Variants in NCAM1 observed in about 807,000 individuals in gnomAD.
NCAM1 encodes antigen recognized by monoclonal antibody 5.1H11.
NCAM1 carries 14 observed loss-of-function variants against 109.8 expected under a neutral mutation model. The observed-to-expected ratio is 0.13, with a 90% CI of 0.08 to 0.20. The LOEUF is 0.20. NCAM1 is among the 10% of genes least tolerant of loss of function. NCAM1 has a pLI of 1.00. For missense variants in NCAM1, 774 were observed against 1,109.9 expected (o/e 0.70, Z 4.30); for synonymous variants, 418 against 442.9 (o/e 0.94, Z 0.70).
chr11:113,022,340 A>G (rs1293031712), intron 1 of NCAM1, among the ~76,000 whole-genome samples: 2 of 152,210 alleles, frequency 1.3e-5, no homozygotes, highest in African/African-American at 2.4e-5. Context: ...AGAGCTGATG[A>G]AGTCTCTACA....
chr11:112,996,621 C>T (rs1565371721), intron 1 of NCAM1, among the ~76,000 whole-genome samples: 1 of 152,140 alleles, frequency 6.6e-6, no homozygotes, highest in Non-Finnish European at 1.5e-5. Flanking sequence ...TTGCATACCT[C>T]TTGTTTATGC....
intron 1 of NCAM1, among the ~76,000 whole-genome samples, chr11:113,115,470 A>G (rs1369818): frequency 0.56 from 85,480 of 151,548 alleles, 24,449 homozygotes; most frequent in African/African-American, 0.61. Flanking sequence ...GAGCATCCAC[A>G]TGAAATAGCA....
chr11:113,002,490 T>C (rs1951781390), intron 1 of NCAM1, among the ~76,000 whole-genome samples: 1 of 152,138 alleles, frequency 6.6e-6, no homozygotes, highest in Non-Finnish European at 1.5e-5. Flanking sequence ...TTTTACAAAA[T>C]GAATGTGGGA....
intron 1 of NCAM1, among the ~76,000 whole-genome samples, chr11:113,201,713 C>T (rs530364146): frequency 4.4e-4 from 67 of 152,260 alleles, no homozygotes; most frequent in African/African-American, 1.5e-3. Flanking sequence ...CCACAGGGCA[C>T]GGGCTACAGA....
At chr11:112,991,870 A>G (rs1462131455) in intron 1 of NCAM1, among the ~76,000 whole-genome samples, 2 of 152,222 alleles carry the variant, frequency 1.3e-5, no homozygotes, top group Non-Finnish European at 2.9e-5. Context: ...AATGATGGGT[A>G]ATGTAACAGT....
At chr11:112,986,207 T>C (rs1555069645) in intron 1 of NCAM1, among the ~76,000 whole-genome samples, 2 of 152,108 alleles carry the variant, frequency 1.3e-5, no homozygotes, top group African/African-American at 4.8e-5. Flanking sequence ...ATATAGTATA[T>C]CACATTTATT....
At chr11:113,014,494 TC>T (rs1952158135) in intron 1 of NCAM1, among the ~76,000 whole-genome samples, 1 of 152,188 alleles carries the variant, frequency 6.6e-6, no homozygotes, top group Admixed American at 6.5e-5. Context: ...GCCACGGGCC[TC>T]CTTCATTTCT....
chr11:113,125,773 A>T (rs1367520415), intron 1 of NCAM1, among the ~76,000 whole-genome samples: 1 of 152,196 alleles, frequency 6.6e-6, no homozygotes, highest in Non-Finnish European at 1.5e-5. Context: ...GAATCTGTGC[A>T]GCTGGCTTTT....
chr11:113,078,018 G>A (rs146551932), intron 1 of NCAM1, among the ~76,000 whole-genome samples: 145 of 152,224 alleles, frequency 9.5e-4, no homozygotes, highest in Non-Finnish European at 1.9e-3. Flanking sequence ...TTATTTCAGA[G>A]TCTACATTTG....
intron 1 of NCAM1, among the ~76,000 whole-genome samples, chr11:113,082,820 G>A (rs1263955238): frequency 6.6e-6 from 1 of 152,128 alleles, no homozygotes; most frequent in Non-Finnish European, 1.5e-5. Flanking sequence ...TAACAACTCT[G>A]TCAAAAGCAA....
intron 1 of NCAM1, among the ~76,000 whole-genome samples, chr11:113,028,052 G>A (rs1297541144): frequency 3.9e-5 from 6 of 152,162 alleles, no homozygotes; most frequent in African/African-American, 1.2e-4. Context: ...GAGGGGAAAG[G>A]GGTGGGCAAG....
intron 1 of NCAM1, among the ~76,000 whole-genome samples, chr11:113,059,394 A>G (rs1953837916): frequency 6.6e-6 from 1 of 152,150 alleles, no homozygotes; most frequent in Non-Finnish European, 1.5e-5. Flanking sequence ...GAGTTCAGGA[A>G]GGATTTAATT....
In NCAM1 at chr11:113,237,873, GAT is replaced by G. The variant is rs1419157154; in HGVS notation, c.1825+2717_1825+2718del. 3.6e-3 allele frequency among the ~76,000 whole-genome samples: 210 copies of G among 57,658 alleles called. 4 individuals are homozygous for G. The highest frequency in any genetic ancestry group is 0.015 in the East Asian group (21 of 1,434). The allele number at this position is 57,658 out of a possible 152,430, so 37.8% of individuals were successfully genotyped here. On this transcript the variant is annotated intron_variant, in intron 14 of 19. Transcript: ENST00000316851. The stretch of plus-strand genomic sequence containing the variant: ...GTGAGACCATATATATAGATATATA[GAT>G]ATATATAGATATATAGATATAGATA...
intron 1 of NCAM1, among the ~76,000 whole-genome samples, chr11:113,166,589 A>C (rs1327876670): frequency 7.2e-5 from 11 of 152,244 alleles, no homozygotes; most frequent in Non-Finnish European, 1.6e-4. Flanking sequence ...ACAAGGAATA[A>C]TAAAATATTG....
intron 1 of NCAM1, among the ~76,000 whole-genome samples, chr11:113,026,065 A>C (rs782649091): frequency 6.6e-6 from 1 of 152,214 alleles, no homozygotes; most frequent in South Asian, 2.1e-4. Context: ...AGAGCCCTGA[A>C]TTATGAGTTA....
chr11:113,136,097 C>T (rs1165827556), intron 1 of NCAM1, among the ~76,000 whole-genome samples: 2 of 152,126 alleles, frequency 1.3e-5, no homozygotes, highest in Admixed American at 6.5e-5. Flanking sequence ...GAGACAGGTT[C>T]GCCTGAGCCC....
intron 1 of NCAM1, among the ~76,000 whole-genome samples, chr11:112,975,012 G>A (rs539259957): frequency 2.1e-4 from 32 of 152,072 alleles, no homozygotes; most frequent in African/African-American, 7.5e-4. Flanking sequence ...GGGTAGGATC[G>A]TTGAGACTGA....
intron 1 of NCAM1, among the ~76,000 whole-genome samples, chr11:113,013,077 A>T (rs578237117): frequency 1.3e-5 from 2 of 152,268 alleles, no homozygotes; most frequent in South Asian, 4.1e-4. Flanking sequence ...TGGGTTGTAT[A>T]ATTTTTGGAA....
At position 113,009,091 on chromosome 11, in the gene NCAM1, T is replaced by A. The variant is rs570039077; in HGVS notation, c.52+47427T>A. 3.9e-5 allele frequency among the ~76,000 whole-genome samples: 6 copies of A among 152,282 alleles called. No homozygotes were observed. The East Asian group carries it at 1.2e-3, about 29-fold the overall frequency. On this transcript the variant is annotated intron_variant, in intron 1 of 19. Transcript: ENST00000316851. ...TTAGTTAGCCTGAGAAACTGAGCCTTGAACTCAGTTTCTGACGGAAACTCA... is the reference window on the plus strand; with the variant it reads ...TTAGTTAGCCTGAGAAACTGAGCCTAGAACTCAGTTTCTGACGGAAACTCA...
Sources: gnomAD v4.1 joint callset for allele counts (sites outside exome capture counted in the v4.1 genomes callset) on GRCh38, gnomAD v4.1.1 for gene constraint, MANE v1.5 for transcripts, NCBI Gene and HGNC (gene_info 2026-07-23, HGNC 2026-07-21) for gene names.